Variants in PDE4B observed in about 807,000 individuals in gnomAD.
The protein encoded by PDE4B is 3',5'-cyclic-AMP phosphodiesterase 4B.
PDE4B carries 20 observed loss-of-function variants against 82.2 expected under a neutral mutation model. The ratio of observed to expected loss-of-function variants is 0.24; its 90% confidence interval spans 0.17 to 0.35. The LOEUF is 0.35. Ranked by LOEUF, PDE4B falls within the 10% of genes least tolerant of loss-of-function variation. The pLI, the probability that PDE4B is intolerant of heterozygous loss-of-function variation, is 1.00. For missense variants in PDE4B, 655 were observed against 907.2 expected (o/e 0.72, Z 3.57); for synonymous variants, 320 against 318.9 (o/e 1.00, Z -0.04).
At chr1:65,797,176 G>A (rs1362027556) in intron 1 of PDE4B, among the ~76,000 whole-genome samples, 5 of 151,840 alleles carry the variant, frequency 3.3e-5, no homozygotes, top group African/African-American at 7.3e-5. Context: ...GGATGGTCTC[G>A]ATCTTCTGAC....
intron 3 of PDE4B, among the ~76,000 whole-genome samples, chr1:66,220,571 C>T (rs1650898806): frequency 2.0e-5 from 3 of 152,116 alleles, no homozygotes; most frequent in Non-Finnish European, 4.4e-5. Context: ...ATTAGAATGG[C>T]TCCTCCCTTT....
At chr1:66,053,520 C>T (rs569076623) in intron 3 of PDE4B, among the ~76,000 whole-genome samples, 1 of 152,208 alleles carries the variant, frequency 6.6e-6, no homozygotes, top group East Asian at 1.9e-4. Flanking sequence ...CAATGAAACA[C>T]AGAGAGATAG....
intron 1 of PDE4B, among the ~76,000 whole-genome samples, chr1:65,822,414 C>A (rs1645963689): frequency 6.6e-6 from 1 of 152,016 alleles, no homozygotes; most frequent in African/African-American, 2.4e-5. Flanking sequence ...AAAATGATGC[C>A]TTTTTTTCCC....
intron 1 of PDE4B, among the ~76,000 whole-genome samples, chr1:65,825,401 TTCCTCCA>T (rs1646002366): frequency 6.6e-6 from 1 of 152,188 alleles, no homozygotes; most frequent in Non-Finnish European, 1.5e-5. Context: ...TGGAAATACT[TTCCTCCA>T]TACATATGCA....
intron 6 of PDE4B, among the ~76,000 whole-genome samples, chr1:66,258,957 T>C (rs980826450): frequency 6.6e-6 from 1 of 152,202 alleles, no homozygotes; most frequent in Non-Finnish European, 1.5e-5. Context: ...TGTATGACTG[T>C]GTCACCCTCC....
chr1:66,329,979 G>A (rs919608860), intron 7 of PDE4B, among the ~76,000 whole-genome samples: 1 of 152,096 alleles, frequency 6.6e-6, no homozygotes, highest in Non-Finnish European at 1.5e-5. Context: ...GTTATATCAG[G>A]GAGGCCAGTC....
At chr1:65,902,361 A>G (rs1646981192) in intron 1 of PDE4B, among the ~76,000 whole-genome samples, 1 of 152,178 alleles carries the variant, frequency 6.6e-6, no homozygotes, top group African/African-American at 2.4e-5. Flanking sequence ...ATGATTTCAT[A>G]GTCACTAATT....
chr1:66,038,549 A>G (rs1192023099), intron 3 of PDE4B, among the ~76,000 whole-genome samples: 1 of 149,444 alleles, frequency 6.7e-6, no homozygotes, highest in East Asian at 2.1e-4. Flanking sequence ...AGTAGAACAT[A>G]TGGAGGAAAA....
chr1:66,154,774 C>T (rs1199760064), intron 3 of PDE4B, among the ~76,000 whole-genome samples: 3 of 152,170 alleles, frequency 2.0e-5, no homozygotes, highest in East Asian at 1.9e-4. Context: ...TTCGCTACAC[C>T]TTTGCCTTTG....
chr1:65,888,489 G>A (rs1408409100), intron 1 of PDE4B, among the ~76,000 whole-genome samples: 1 of 152,032 alleles, frequency 6.6e-6, no homozygotes. Context: ...TGAAAAAATG[G>A]CATTGCTATT....
intron 1 of PDE4B, among the ~76,000 whole-genome samples, chr1:65,839,187 CT>C (rs1299291866): frequency 6.6e-6 from 1 of 151,282 alleles, no homozygotes; most frequent in Non-Finnish European, 1.5e-5. Flanking sequence ...AAGATTAGAT[CT>C]TTTGTTAGAT....
At chr1:66,138,911 G>C (rs1264034367) in intron 3 of PDE4B, among the ~76,000 whole-genome samples, 1 of 152,126 alleles carries the variant, frequency 6.6e-6, no homozygotes, top group East Asian at 1.9e-4. Context: ...ACCTCTCCAA[G>C]TGGGAGAGGG....
At chr1:66,199,534 TA>T (rs1248354298) in intron 3 of PDE4B, among the ~76,000 whole-genome samples, 3 of 152,150 alleles carry the variant, frequency 2.0e-5, no homozygotes, top group Non-Finnish European at 4.4e-5. Context: ...GTCAGATGAA[TA>T]GGTTGCAAAA....
chr1:66,302,902 A>G (rs777674454), intron 7 of PDE4B, among the ~76,000 whole-genome samples: 1 of 152,138 alleles, frequency 6.6e-6, no homozygotes, highest in Non-Finnish European at 1.5e-5. Flanking sequence ...CCCAACCTCT[A>G]TCTGTGTGTA....
At chr1:65,903,402 A>C (rs573539972) in intron 1 of PDE4B, among the ~76,000 whole-genome samples, 2 of 142,334 alleles carry the variant, frequency 1.4e-5, no homozygotes, top group Admixed American at 7.5e-5. Flanking sequence ...ATCTCTACAA[A>C]ATATGCACAC....
chr1:65,903,002 A>G (rs1359481143), intron 1 of PDE4B, among the ~76,000 whole-genome samples: 4 of 152,156 alleles, frequency 2.6e-5, no homozygotes, highest in Admixed American at 6.6e-5. Context: ...TCTATATTTT[A>G]TCTGTAAAAT....
chr1:66,232,070 A>G (rs12731764), intron 3 of PDE4B, among the ~76,000 whole-genome samples: 27,512 of 152,246 alleles, frequency 0.18, 3,263 homozygotes, highest in Non-Finnish European at 0.26. Context: ...CAAGAAGATT[A>G]AATTTCTAAA....
At chr1:66,211,441 C>T (rs1476161002) in intron 3 of PDE4B, among the ~76,000 whole-genome samples, 3 of 152,118 alleles carry the variant, frequency 2.0e-5, no homozygotes, top group African/African-American at 2.4e-5. Flanking sequence ...TCACAGACTC[C>T]CAGTTGATAG....
chr1:66,030,001 T>C (rs1253228937), intron 3 of PDE4B, among the ~76,000 whole-genome samples: 1 of 151,008 alleles, frequency 6.6e-6, no homozygotes, highest in Non-Finnish European at 1.5e-5. Context: ...AATTGGTATT[T>C]AAACCTGGAC....
Sources: gnomAD v4.1 joint callset for allele counts (sites outside exome capture counted in the v4.1 genomes callset) on GRCh38, gnomAD v4.1.1 for gene constraint, MANE v1.5 for transcripts, NCBI Gene and HGNC (gene_info 2026-07-23, HGNC 2026-07-21) for gene names.